SNAP91: variants seen among roughly 807,000 people sequenced by gnomAD.
SNAP91 encodes the protein synaptosome associated protein 91, also known as clathrin coat assembly protein AP180.
Under a neutral mutation model 100.3 loss-of-function variants are expected in SNAP91, and 27 were observed. That is an observed-to-expected ratio of 0.27 (90% CI 0.20 to 0.37). The LOEUF (loss-of-function observed/expected upper bound fraction) is 0.37. Ranked by LOEUF, SNAP91 falls within the 10% of genes least tolerant of loss-of-function variation. The pLI is 1.00. For synonymous variants in SNAP91, 404 were observed against 398.6 expected (o/e 1.01, Z -0.16); for missense variants, 986 against 1,123.7 (o/e 0.88, Z 1.75).
At chr6:83,688,599 G>T (rs370484072) in intron 2 of SNAP91, among the ~76,000 whole-genome samples, 2,268 of 151,258 alleles carry the variant, frequency 0.015, 48 homozygotes, top group African/African-American at 0.053. Context: ...CACATCCCAG[G>T]TTCAAGCGAT....
At chr6:83,560,447 C>A (rs1785359034) in intron 27 of SNAP91, among the ~76,000 whole-genome samples, 1 of 152,248 alleles carries the variant, frequency 6.6e-6, no homozygotes, top group South Asian at 2.1e-4. Flanking sequence ...CCCAACCAAG[C>A]TTTGTTGTTG....
intron 22 of SNAP91, among the ~76,000 whole-genome samples, chr6:83,585,845 T>C (rs2092461755): frequency 6.6e-6 from 1 of 151,690 alleles, no homozygotes; most frequent in Admixed American, 6.6e-5. Context: ...TACAATTTTT[T>C]TTTCTTTCTT....
intron 3 of SNAP91, among the ~76,000 whole-genome samples, chr6:83,664,233 T>C (rs1453696857): frequency 3.3e-5 from 5 of 152,170 alleles, no homozygotes; most frequent in Admixed American, 6.6e-5. Flanking sequence ...GTGCAGCCCA[T>C]GGATCAAGGA....
chr6:83,614,784 TG>T, intron 11 of SNAP91, 72 bp downstream of exon 11: 1 of 1,079,902 alleles, frequency 9.3e-7, no homozygotes, highest in Non-Finnish European at 1.3e-6. Flanking sequence ...ATACCAAATG[TG>T]GAATCTTAAG....
At chr6:83,638,451 T>C (rs1376561853) in intron 8 of SNAP91, among the ~76,000 whole-genome samples, 2 of 152,174 alleles carry the variant, frequency 1.3e-5, no homozygotes, top group Admixed American at 6.5e-5. Context: ...AAGCCACTTA[T>C]ATTATTACAA....
chr6:83,582,482 A>C, intron 22 of SNAP91, 126 bp from the exon 23 acceptor site: 1 of 957,152 alleles, frequency 1.0e-6, no homozygotes, highest in Non-Finnish European at 1.5e-6. Context: ...GCAGTCAGTG[A>C]AACAGAGAAG....
chr6:83,665,621 T>A, intron 2 of SNAP91, 40 bp from the exon 3 acceptor site: 1 of 1,573,390 alleles, frequency 6.4e-7, no homozygotes, highest in Non-Finnish European at 8.7e-7. Context: ...TATTAACAAT[T>A]ACATGCAAAA....
intron 22 of SNAP91, among the ~76,000 whole-genome samples, chr6:83,583,196 A>T (rs911845116): frequency 6.6e-6 from 1 of 151,800 alleles, no homozygotes; most frequent in Non-Finnish European, 1.5e-5. Flanking sequence ...GCTGCACCCC[A>T]CCCACATCCC....
chr6:83,628,517 T>A (rs2097065134), intron 8 of SNAP91, among the ~76,000 whole-genome samples: 1 of 150,930 alleles, frequency 6.6e-6, no homozygotes, highest in Middle Eastern at 3.2e-3. Flanking sequence ...CATGCCAACA[T>A]CTACTGTTTT....
At chr6:83,595,626 T>C (rs962399862) in intron 16 of SNAP91, among the ~76,000 whole-genome samples, 1 of 151,882 alleles carries the variant, frequency 6.6e-6, no homozygotes, top group African/African-American at 2.4e-5. Context: ...ACCTAGAACC[T>C]GTCACTTACC....
chr6:83,701,261 A>T (rs1032279521), intron 2 of SNAP91, among the ~76,000 whole-genome samples: 3 of 152,122 alleles, frequency 2.0e-5, no homozygotes, highest in Non-Finnish European at 4.4e-5. Context: ...AGAGAGACAG[A>T]AGATGTTAAA....
chr6:83,682,289 G>A (rs1229689711), intron 2 of SNAP91, among the ~76,000 whole-genome samples: 1 of 148,774 alleles, frequency 6.7e-6, no homozygotes, highest in Non-Finnish European at 1.5e-5. Flanking sequence ...GAGATCCTCC[G>A]ACCTTAGCTT....
intron 2 of SNAP91, among the ~76,000 whole-genome samples, chr6:83,673,700 A>G (rs1227932318): frequency 6.6e-6 from 1 of 152,226 alleles, no homozygotes; most frequent in Non-Finnish European, 1.5e-5. Flanking sequence ...AATGACAGAC[A>G]TTAACATTGC....
chr6:83,648,162 C>T (rs1381818301), intron 7 of SNAP91, among the ~76,000 whole-genome samples: 5 of 152,172 alleles, frequency 3.3e-5, no homozygotes, highest in Non-Finnish European at 5.9e-5. Context: ...TTTTCTGTCA[C>T]TGTAAGTTAG....
chr6:83,614,987 G>T, intron 10 of SNAP91, 125 bp from the exon 11 acceptor site: 1 of 632,740 alleles, frequency 1.6e-6, no homozygotes, highest in Non-Finnish European at 2.6e-6. Flanking sequence ...CAATTCAGAA[G>T]AGAAATATGA....
At chr6:83,591,811 T>A (rs911743927) in intron 21 of SNAP91, among the ~76,000 whole-genome samples, 1 of 152,210 alleles carries the variant, frequency 6.6e-6, no homozygotes, top group African/African-American at 2.4e-5. Context: ...ATGTCCATGA[T>A]GCTTCAATGT....
chr6:83,683,590 C>G (rs892852267), intron 2 of SNAP91, among the ~76,000 whole-genome samples: 2 of 152,110 alleles, frequency 1.3e-5, no homozygotes, highest in Non-Finnish European at 1.5e-5. Context: ...CAGGTGCTGG[C>G]GCCACACTTC....
Position 83,592,435 on chromosome 6 carries a change from G to A in SNAP91, c.1930+20C>T, listed in dbSNP as rs1437204129. 2.6e-6 allele frequency: 4 copies of A among 1,554,876 alleles called. No individual in the cohort carries two copies. Among genetic ancestry groups the A allele is most frequent in the East Asian group, 2.3e-5 (1 of 44,272 alleles). ...AAGAAAAAAAGATTCCTTAAGTGTT[G>A]ATGGAGGAGAAATACGCACCCCCAA... is the stretch of plus-strand genomic sequence containing the variant. On this transcript the variant is annotated intron_variant, in intron 21 of 29. Transcript: ENST00000369694.
chr6:83,563,184 A>G (rs373504881), intron 26 of SNAP91, among the ~76,000 whole-genome samples: 9 of 152,352 alleles, frequency 5.9e-5, no homozygotes, highest in East Asian at 5.8e-4. Flanking sequence ...AACACACTGT[A>G]AACAGCAACC....
Sources: gnomAD v4.1 joint callset for allele counts (sites outside exome capture counted in the v4.1 genomes callset) on GRCh38, gnomAD v4.1.1 for gene constraint, MANE v1.5 for transcripts, NCBI Gene and HGNC (gene_info 2026-07-23, HGNC 2026-07-21) for gene names.